The following SYNRG variants were observed in gnomAD, a reference collection of about 807,000 sequenced individuals.
SYNRG encodes the protein AP1 gamma subunit binding protein 1.
SYNRG carries 37 observed loss-of-function variants against 130.9 expected under a neutral mutation model. The observed-to-expected ratio is 0.28, with a 90% CI of 0.22 to 0.37. The LOEUF is 0.37. SYNRG is among the 10% of genes least tolerant of loss of function. SYNRG has a pLI of 1.00. For missense variants in SYNRG, 1,338 were observed against 1,588.9 expected, an observed-to-expected ratio of 0.84 and a Z score of 2.68; for synonymous variants, 539 against 568.1, an observed-to-expected ratio of 0.95 and a Z score of 0.73.
rs376997945 is a variant in SYNRG at position 37,542,545 on chromosome 17, C to G, written c.2629G>C (p.Ala877Pro). The G allele has an allele frequency of 6.2e-7, 1 of 1,611,304 alleles. No individual in the cohort carries two copies. The highest frequency in any genetic ancestry group is 8.5e-7 in the Non-Finnish European group (1 of 1,179,558). Residue 877 changes from alanine (A) to proline (P), a missense_variant, in exon 15 of 22, where the codon GCT (alanine) becomes CCT (proline). Ala to Pro is a conservative substitution (Grantham distance 27). Coordinates refer to ENST00000612223, the MANE Select transcript of SYNRG (RefSeq NM_007247.6). ...TTGCTACTGTAGCTTCCAAAAGCAG[C>G]ATATTTTAAGTCCTCTATATCTGAA... Reference protein sequence around the residue: ...PAADIEDLKYAAFGSYSSNFA... With the variant: ...PAADIEDLKYPAFGSYSSNFA...
At chr17:37,570,064 T>C (rs1389508519) in intron 10 of SYNRG, among the ~76,000 whole-genome samples, 1 of 152,192 alleles carries the variant, frequency 6.6e-6, no homozygotes, top group Non-Finnish European at 1.5e-5. Context: ...TTGTATATCT[T>C]TGCTAATTCG....
At chr17:37,569,696 A>C (rs1311599305) in intron 10 of SYNRG, among the ~76,000 whole-genome samples, 2 of 126,062 alleles carry the variant, frequency 1.6e-5, no homozygotes, top group Admixed American at 7.6e-5. Context: ...AAAATGCTAC[A>C]AAAAAAAAAA....
Position 37,585,415 on chromosome 17 carries a change from C to T in SYNRG, c.387G>A (p.Gln129=). 5.0e-6 allele frequency: 8 copies of T among 1,612,742 alleles called. No homozygotes were observed. Among genetic ancestry groups the T allele is most frequent in the Non-Finnish European group, 5.9e-6 (7 of 1,179,862 alleles). The change falls in exon 5 of 22, where the codon CAG becomes CAA. Residue 129 remains glutamine, a synonymous_variant. Transcript: ENST00000612223. ...FAEEQQKRFE[Q]QQKLLEEERK... The stretch of plus-strand genomic sequence containing the variant: ...TTTCTTCTTCTAAGAGTTTTTGCTG[C>T]TGTTCAAATCGTTTCCTGAAGGAAA...
At chr17:37,558,858 A>G (rs1157830757) in intron 13 of SYNRG, among the ~76,000 whole-genome samples, 1 of 152,150 alleles carries the variant, frequency 6.6e-6, no homozygotes, top group Non-Finnish European at 1.5e-5. Context: ...CGAGCTTTGA[A>G]CTGCTACTTG....
At chr17:37,596,937 G>A (rs776414551) in intron 2 of SYNRG, among the ~76,000 whole-genome samples, 5 of 152,022 alleles carry the variant, frequency 3.3e-5, no homozygotes, top group African/African-American at 7.2e-5. Context: ...TAGTAGAGAT[G>A]GGGTTTCGCC....
At chr17:37,567,679 A>G (rs1426004836) in intron 11 of SYNRG, 2 of 152,210 alleles carry the variant, frequency 1.3e-5, no homozygotes, top group Non-Finnish European at 2.9e-5. Context: ...GTAATTCTCT[A>G]TAATGCCTAT....
At chr17:37,543,396 T>C (rs1294472170) in intron 14 of SYNRG, among the ~76,000 whole-genome samples, 1 of 152,144 alleles carries the variant, frequency 6.6e-6, no homozygotes, top group Admixed American at 6.5e-5. Flanking sequence ...TCTTAATATA[T>C]AGTTAAGTAA....
At chr17:37,608,556 G>A (rs1220575491) in intron 1 of SYNRG, among the ~76,000 whole-genome samples, 1 of 152,192 alleles carries the variant, frequency 6.6e-6, no homozygotes, top group East Asian at 1.9e-4. Context: ...CTGAAATGTG[G>A]CAGAGGGCAG....
chr17:37,603,342 AAATAAT>A (rs932111594), intron 1 of SYNRG, among the ~76,000 whole-genome samples: 2 of 152,134 alleles, frequency 1.3e-5, no homozygotes, highest in African/African-American at 4.8e-5. Flanking sequence ...CATCTCTCCA[AAATAAT>A]AATAATAACA....
At chr17:37,605,418 CCT>C (rs978814834) in intron 1 of SYNRG, among the ~76,000 whole-genome samples, 12 of 152,284 alleles carry the variant, frequency 7.9e-5, no homozygotes, top group Non-Finnish European at 1.3e-4. Context: ...TCCTTTACCC[CCT>C]GTCTGGTTTC....
rs1335174550 is a variant in SYNRG, at chr17:37,568,906, C to T, written c.1366G>A (p.Asp456Asn). Residue 456 changes from aspartate (D) to asparagine (N), a missense_variant, in exon 11 of 22, where the codon GAT becomes AAT. Around this residue, in one of 3 missense-constraint regions of SYNRG, gnomAD observed 1,146 missense variants for 1,342.3 expected, o/e 0.85. Coordinates refer to ENST00000612223, the MANE Select transcript of SYNRG (RefSeq NM_007247.6). ...GCATCTTGAAAATCCTGGAAGTCAT[C>T]TTCTTCTGGCTTTACTACCTAGGTT... The part of the protein sequence containing the change: ...PANQVVKPEE[D>N]DFQDFQDASK... The T allele has an allele frequency of 6.2e-7, 1 of 1,613,574 alleles. No homozygotes were observed. Among genetic ancestry groups the T allele is most frequent in the South Asian group, 1.1e-5 (1 of 91,030 alleles).
chr17:37,545,787 C>A (rs572424454), intron 14 of SYNRG, among the ~76,000 whole-genome samples: 46 of 152,264 alleles, frequency 3.0e-4, no homozygotes, highest in Middle Eastern at 3.4e-3. Flanking sequence ...TCACTAAAAT[C>A]AAGCCTCAAA....
chr17:37,522,452 C>T (rs2055220862), intron 19 of SYNRG, among the ~76,000 whole-genome samples: 2 of 151,566 alleles, frequency 1.3e-5, no homozygotes, highest in African/African-American at 2.4e-5. Context: ...GTGCCCGGCC[C>T]CGCAGCACAC....
intron 6 of SYNRG, among the ~76,000 whole-genome samples, chr17:37,578,882 T>C (rs2061066810): frequency 6.6e-6 from 1 of 152,220 alleles, no homozygotes; most frequent in Non-Finnish European, 1.5e-5. Context: ...AATCAGAAGA[T>C]TTCTTTTAAA....
intron 14 of SYNRG, among the ~76,000 whole-genome samples, chr17:37,550,394 G>C (rs1285763353): frequency 2.0e-5 from 3 of 152,148 alleles, no homozygotes; most frequent in African/African-American, 7.2e-5. Flanking sequence ...CAAAACAAAA[G>C]GGGAAAACCC....
intron 3 of SYNRG, 38 bp from the exon 4 acceptor site, chr17:37,586,587 A>T: frequency 1.2e-6 from 2 of 1,609,258 alleles, no homozygotes; most frequent in South Asian, 2.2e-5. Context: ...AACACAATTT[A>T]TCCCTTTAAT....
chr17:37,570,433 A>G (rs1304782789), intron 10 of SYNRG, among the ~76,000 whole-genome samples: 3 of 152,186 alleles, frequency 2.0e-5, no homozygotes, highest in African/African-American at 7.2e-5. Flanking sequence ...TAAATATTAT[A>G]TATTTAAAAC....
intron 11 of SYNRG, among the ~76,000 whole-genome samples, chr17:37,562,389 T>TC (rs2059600627): frequency 6.7e-6 from 1 of 150,260 alleles, no homozygotes; most frequent in African/African-American, 2.5e-5. Flanking sequence ...AAGCATTACT[T>TC]TTTCTTCTTC....
intron 7 of SYNRG, 40 bp from the exon 8 acceptor site, chr17:37,576,458 G>A: frequency 6.4e-7 from 1 of 1,570,690 alleles, no homozygotes; most frequent in Non-Finnish European, 8.7e-7. Flanking sequence ...GTGGTCCATG[G>A]AGAAGATGGC....
Sources: gnomAD v4.1 joint callset for allele counts (sites outside exome capture counted in the v4.1 genomes callset) on GRCh38, gnomAD v4.1.1 for gene constraint, gnomAD v4.1.1 regional missense constraint, MANE v1.5 for transcripts, NCBI Gene and HGNC (gene_info 2026-07-23, HGNC 2026-07-21) for gene names.